PCDHA5: variants seen among roughly 807,000 people sequenced by gnomAD.
The protein encoded by PCDHA5 is protocadherin alpha-5.
A neutral mutation model predicts 61.6 loss-of-function variants in PCDHA5; 43 were observed. That is an observed-to-expected ratio of 0.70 (90% CI 0.55 to 0.90). PCDHA5 has a LOEUF of 0.90. PCDHA5 is among the 40% of genes least tolerant of loss of function. PCDHA5 has a pLI of 0.00. For missense variants in PCDHA5, 1,298 were observed against 1,222.7 expected, an observed-to-expected ratio of 1.06 and a Z score of -0.92; for synonymous variants, 627 against 543.9, an observed-to-expected ratio of 1.15 and a Z score of -2.13.
rs1274589805 is a variant in PCDHA5, at chr5:140,906,709, G to T, written c.2353-72240G>T. Among the ~76,000 whole-genome samples the T allele has an allele frequency of 3.3e-5, 5 of 152,190 alleles. No individual in the cohort carries two copies. In the East Asian group the frequency reaches 9.6e-4, roughly 29 times the overall value. ...AAGGATCTGGGCCATTTGTAGTCCT[G>T]CCTGGATTGTGCTGTTGTAGTTTCC... On this transcript the variant is annotated intron_variant, in intron 1 of 3. Transcript: ENST00000529859.
chr5:140,834,611 G>C, intron 1 of PCDHA5: 1 of 1,614,162 alleles, frequency 6.2e-7, no homozygotes, highest in Non-Finnish European at 8.5e-7. Flanking sequence ...ATCTTCTGGA[G>C]GTAAATCTGC....
At chr5:140,835,832 C>T in intron 1 of PCDHA5, 1 of 1,612,382 alleles carries the variant, frequency 6.2e-7, no homozygotes, top group Non-Finnish European at 8.5e-7. Flanking sequence ...GGGACGCGGA[C>T]GCGCAGAAGA....
chr5:140,848,500 T>A, intron 1 of PCDHA5: 2 of 1,585,030 alleles, frequency 1.3e-6, no homozygotes, highest in Non-Finnish European at 1.7e-6. Flanking sequence ...TTTGAAATGT[T>A]ATACTCAAGT....
intron 1 of PCDHA5, chr5:140,927,032 C>T: frequency 6.2e-7 from 1 of 1,612,120 alleles, no homozygotes; most frequent in Non-Finnish European, 8.5e-7. Context: ...AGGCTGCCAG[C>T]GGCCGCTATG....
chr5:140,995,674 A>G (rs1205485736), intron 3 of PCDHA5, among the ~76,000 whole-genome samples: 2 of 151,994 alleles, frequency 1.3e-5, no homozygotes, highest in East Asian at 3.9e-4. Flanking sequence ...TAAATGCAGC[A>G]TTTTTTTTAA....
chr5:140,883,676 C>T lies in PCDHA5; in HGVS notation c.2352+59549C>T, dbSNP rs986680593. 6.2e-6 allele frequency: 10 copies of T among 1,613,792 alleles called. No homozygotes were observed. In the Admixed American group the frequency reaches 1.0e-4, roughly 16 times the overall value. On this transcript the variant is annotated intron_variant, in intron 1 of 3. Transcript: ENST00000529859. Reference sequence around the variant, plus strand: ...GGTGTTCGTGAAGGAAAACAATCCGCCGGGCTGCCACATCTTCACGGTGTC... The same window carrying T: ...GGTGTTCGTGAAGGAAAACAATCCGTCGGGCTGCCACATCTTCACGGTGTC...
At position 140,884,782 on chromosome 5, in the gene PCDHA5, A is replaced by T. The variant is rs2060354278; in HGVS notation, c.2352+60655A>T. ...TCTTTACTTTAATTTTAATTTTGCTAGTTGTTATCGAATTTAACAACTCTG... is the reference window on the plus strand; with the variant it reads ...TCTTTACTTTAATTTTAATTTTGCTTGTTGTTATCGAATTTAACAACTCTG... On this transcript the variant is annotated intron_variant, in intron 1 of 3. Coordinates refer to ENST00000529859, the MANE Select transcript of PCDHA5 (RefSeq NM_018908.3). 8 of 1,395,472 alleles carry T rather than the reference A, an allele frequency of 5.7e-6. 1 individual carries two copies. The highest frequency in any genetic ancestry group is 3.3e-5 in the South Asian group (2 of 60,762). 86.4% of individuals were successfully genotyped at this position (1,395,472 alleles called of 1,614,324 possible). A position where few individuals can be genotyped will look rare whatever the true frequency, so the allele number is the denominator to read the frequency against.
At chr5:140,962,840 T>C (rs1554226297) in intron 1 of PCDHA5, among the ~76,000 whole-genome samples, 6 of 152,348 alleles carry the variant, frequency 3.9e-5, no homozygotes, top group African/African-American at 2.4e-5. Context: ...TTTTTTATTA[T>C]ATAACTTGTG....
chr5:140,829,969 G>T, intron 1 of PCDHA5: 1 of 1,614,010 alleles, frequency 6.2e-7, no homozygotes, highest in South Asian at 1.1e-5. Flanking sequence ...GCGTGGGGCT[G>T]TACACGGGCG....
At position 141,006,497 on chromosome 5, in the gene PCDHA5, G is replaced by C. The variant is rs575942325; in HGVS notation, c.2501-3130G>C. Among the ~76,000 whole-genome samples the C allele has an allele frequency of 2.6e-5, 4 of 152,288 alleles. No homozygotes were observed. In the South Asian group the frequency reaches 8.3e-4, roughly 32 times the overall value. ...CAAAGTGCTGGGATTACATGTGTGA[G>C]CCACCGCGCCTGGCTGTTATACATC... On this transcript the variant is annotated intron_variant, in intron 3 of 3. Transcript: ENST00000529859.
intron 1 of PCDHA5, among the ~76,000 whole-genome samples, chr5:140,915,915 T>C (rs782614078): frequency 1.3e-5 from 2 of 152,158 alleles, no homozygotes; most frequent in Non-Finnish European, 2.9e-5. Context: ...GGCCCAGAGA[T>C]GCTACTTGGG....
At chr5:140,849,667 C>T in intron 1 of PCDHA5, 1 of 1,598,692 alleles carries the variant, frequency 6.3e-7, no homozygotes, top group South Asian at 1.1e-5. Context: ...TCCCTGACGC[C>T]CCACGTCCCC....
chr5:140,994,272 C>G (rs1400320599), intron 3 of PCDHA5, among the ~76,000 whole-genome samples: 1 of 152,168 alleles, frequency 6.6e-6, no homozygotes, highest in Non-Finnish European at 1.5e-5. Context: ...GCTAGGCTGC[C>G]TTTCTTGAGA....
intron 1 of PCDHA5, chr5:140,884,752 A>G (rs954313403): frequency 1.1e-5 from 16 of 1,429,736 alleles, no homozygotes; most frequent in East Asian, 2.5e-5. Context: ...CCAATTTCAA[A>G]TTATTCTTTA....
chr5:140,834,506 T>C (rs2150220079), intron 1 of PCDHA5: 63 of 1,614,028 alleles, frequency 3.9e-5, no homozygotes, highest in Admixed American at 2.2e-4. Flanking sequence ...AGGCTAAACA[T>C]GGCAACTTCG....
chr5:140,856,858 AGG>A, intron 1 of PCDHA5: 1 of 1,594,634 alleles, frequency 6.3e-7, no homozygotes, highest in Non-Finnish European at 8.6e-7. Context: ...ATTCGGATGA[AGG>A]AATAAACAAG....
rs1265467066 is a variant in PCDHA5 at position 140,843,106 on chromosome 5, C to A, written c.2352+18979C>A. On this transcript the variant is annotated intron_variant, in intron 1 of 3. Coordinates refer to ENST00000529859, the MANE Select transcript of PCDHA5 (RefSeq NM_018908.3). ...CGGGCCACGTGGTAGCGAAGGTGCGCGCAGTGGACGCCGACTCGGGCTACA... is the reference window on the plus strand; with the variant it reads ...CGGGCCACGTGGTAGCGAAGGTGCGAGCAGTGGACGCCGACTCGGGCTACA... 1.7e-5 allele frequency: 27 copies of A among 1,595,592 alleles called. 2 individuals are homozygous for A. The highest frequency in any genetic ancestry group is 8.4e-5 in the Admixed American group (5 of 59,298).
intron 3 of PCDHA5, among the ~76,000 whole-genome samples, chr5:140,982,798 T>C (rs1310396823): frequency 2.0e-5 from 3 of 151,768 alleles, no homozygotes; most frequent in African/African-American, 7.3e-5. Flanking sequence ...TGTGTGCATG[T>C]GTGTGTGTGT....
intron 1 of PCDHA5, among the ~76,000 whole-genome samples, chr5:140,880,775 ATGTT>A (rs1320602954): frequency 6.6e-6 from 1 of 152,230 alleles, no homozygotes; most frequent in Admixed American, 6.5e-5. Context: ...GCTAAAAAGA[ATGTT>A]AGAGGAGTAA....
Sources: allele counts gnomAD v4.1 joint callset (sites outside exome capture counted in the v4.1 genomes callset), GRCh38; gene constraint gnomAD v4.1.1; transcripts MANE v1.5; gene names NCBI Gene and HGNC (gene_info 2026-07-23, HGNC 2026-07-21).